The following RAPGEF4 variants were observed in gnomAD, a reference collection of about 807,000 sequenced individuals.
RAPGEF4 encodes the protein RAP guanine-nucleotide-exchange factor (GEF) 4.
RAPGEF4 carries 66 observed loss-of-function variants against 147.9 expected under a neutral mutation model. The observed-to-expected ratio is 0.45, with a 90% CI of 0.37 to 0.55. The LOEUF is 0.55. Among genes scored for constraint, RAPGEF4 ranks in the 20% least tolerant of loss-of-function variants. The pLI is 0.00. For synonymous variants in RAPGEF4, 419 were observed against 442.7 expected, an observed-to-expected ratio of 0.95 and a Z score of 0.67; for missense variants, 1,071 against 1,257.3, an observed-to-expected ratio of 0.85 and a Z score of 2.24.
intron 4 of RAPGEF4, among the ~76,000 whole-genome samples, chr2:172,882,160 G>T (rs1696704160): frequency 6.6e-6 from 1 of 152,160 alleles, no homozygotes; most frequent in Admixed American, 6.5e-5. Flanking sequence ...ATCTGTCCTT[G>T]TGTTCCCAGC....
chr2:172,948,532 C>A (rs1325129476), intron 6 of RAPGEF4, among the ~76,000 whole-genome samples: 1 of 152,060 alleles, frequency 6.6e-6, no homozygotes, highest in Non-Finnish European at 1.5e-5. Flanking sequence ...GGATCCAAGA[C>A]AGTCTGTTTT....
At chr2:172,929,596 C>T (rs999371370) in intron 6 of RAPGEF4, among the ~76,000 whole-genome samples, 3 of 152,066 alleles carry the variant, frequency 2.0e-5, no homozygotes, top group Non-Finnish European at 4.4e-5. Context: ...ATTTAGTTTT[C>T]TTTTCTATTT....
intron 4 of RAPGEF4, among the ~76,000 whole-genome samples, chr2:172,820,676 C>G (rs190262678): frequency 5.1e-4 from 78 of 152,240 alleles, no homozygotes; most frequent in African/African-American, 1.8e-3. Context: ...AGATACAAAA[C>G]TGAGTGGTAA....
At chr2:172,789,290 G>C (rs1685563284) in intron 1 of RAPGEF4, among the ~76,000 whole-genome samples, 1 of 152,164 alleles carries the variant, frequency 6.6e-6, no homozygotes, top group African/African-American at 2.4e-5. Flanking sequence ...ACATAATCAT[G>C]AGAGTGATCT....
intron 4 of RAPGEF4, among the ~76,000 whole-genome samples, chr2:172,845,669 A>T (rs543877105): frequency 1.2e-4 from 18 of 152,344 alleles, no homozygotes; most frequent in African/African-American, 4.3e-4. Flanking sequence ...GACTTTTAAT[A>T]AAAAATTGTG....
intron 4 of RAPGEF4, among the ~76,000 whole-genome samples, chr2:172,826,017 C>T (rs1004984210): frequency 4.6e-5 from 7 of 152,082 alleles, no homozygotes; most frequent in Non-Finnish European, 8.8e-5. Flanking sequence ...TGATCTGTAA[C>T]AAAATTTTGT....
At chr2:172,933,843 T>C (rs1686236385) in intron 6 of RAPGEF4, among the ~76,000 whole-genome samples, 1 of 152,240 alleles carries the variant, frequency 6.6e-6, no homozygotes, top group African/African-American at 2.4e-5. Context: ...CATTATTTAA[T>C]AGACATCCTC....
chr2:172,910,886 A>G (rs750097290), intron 4 of RAPGEF4, among the ~76,000 whole-genome samples: 3 of 152,244 alleles, frequency 2.0e-5, no homozygotes, highest in Non-Finnish European at 4.4e-5. Context: ...TTACAACAGA[A>G]TCACACAGGT....
At chr2:172,917,683 A>G (rs1284842266) in intron 4 of RAPGEF4, 119 bp from the exon 5 acceptor site, 14 of 849,942 alleles carry the variant, frequency 1.6e-5, no homozygotes, top group Admixed American at 9.5e-5. Context: ...TCATGGCTCT[A>G]TAAATACAAG....
rs755578005 is a variant in RAPGEF4, at chr2:172,934,350, C to T, written c.537+12050C>T. The stretch of plus-strand genomic sequence containing the variant: ...TTTTTTAGTAGAGACTGGGTTTCAC[C>T]ATGTTGGTCAGGCTGGTCTCGAACT... On this transcript the variant is annotated intron_variant, in intron 6 of 30. Coordinates refer to ENST00000397081, the MANE Select transcript of RAPGEF4 (RefSeq NM_007023.4). 3.4e-4 allele frequency among the ~76,000 whole-genome samples: 52 copies of T among 152,020 alleles called. 1 individual carries two copies. The highest frequency in any genetic ancestry group is 4.6e-4 in the Non-Finnish European group (31 of 67,960).
intron 17 of RAPGEF4, among the ~76,000 whole-genome samples, chr2:173,008,362 G>A (rs16861147): frequency 0.034 from 5,163 of 152,168 alleles, 311 homozygotes; most frequent in African/African-American, 0.12. Context: ...ATCAAATGAG[G>A]TTATGTGTGT....
In RAPGEF4 at chr2:172,939,835, T is replaced by G. The variant is rs549338553; in HGVS notation, c.537+17535T>G. Among the ~76,000 whole-genome samples, 10 of 151,958 alleles carry G rather than the reference T, an allele frequency of 6.6e-5. No homozygotes were observed. In the South Asian group the frequency reaches 1.9e-3, roughly 28 times the overall value. ...GGTCTGTGTGTAGATTCATTTTTTT[T>G]AGCATATGGGCCATCCAGTTTTTCC... On this transcript the variant is annotated intron_variant, in intron 6 of 30. Coordinates refer to ENST00000397081, the MANE Select transcript of RAPGEF4 (RefSeq NM_007023.4).
chr2:172,738,275 A>C (rs939303000), intron 1 of RAPGEF4, among the ~76,000 whole-genome samples: 2 of 152,104 alleles, frequency 1.3e-5, no homozygotes, highest in African/African-American at 2.4e-5. Flanking sequence ...TTTAAATGCT[A>C]TCTTGATCTT....
At chr2:172,887,469 G>T (rs1202189562) in intron 4 of RAPGEF4, among the ~76,000 whole-genome samples, 1 of 152,206 alleles carries the variant, frequency 6.6e-6, no homozygotes, top group Non-Finnish European at 1.5e-5. Flanking sequence ...CTCTAGGGCA[G>T]GGGTTGTGAA....
intron 6 of RAPGEF4, among the ~76,000 whole-genome samples, chr2:172,933,576 G>T (rs980675232): frequency 6.6e-6 from 1 of 152,066 alleles, no homozygotes; most frequent in African/African-American, 2.4e-5. Context: ...TAGATGATAG[G>T]GATTTGCACT....
intron 26 of RAPGEF4, among the ~76,000 whole-genome samples, chr2:173,030,747 C>CCACCTGGCAG (rs1224512428): frequency 4.6e-5 from 7 of 152,176 alleles, no homozygotes; most frequent in Non-Finnish European, 1.0e-4. Flanking sequence ...TGTCGCCTCA[C>CCACCTGGCAG]CACCTGGCAG....
At chr2:172,832,467 C>T (rs1690467730) in intron 4 of RAPGEF4, among the ~76,000 whole-genome samples, 1 of 152,150 alleles carries the variant, frequency 6.6e-6, no homozygotes, top group South Asian at 2.1e-4. Flanking sequence ...TCTATCTCAA[C>T]TCCTCATTTT....
At chr2:172,855,793 CTG>C (rs1693347565) in intron 4 of RAPGEF4, among the ~76,000 whole-genome samples, 1 of 152,164 alleles carries the variant, frequency 6.6e-6, no homozygotes, top group South Asian at 2.1e-4. Flanking sequence ...CTTCTATTCT[CTG>C]TGAATTTTGA....
At chr2:172,798,648 C>CTTTTTTTTTTTTTTTTTTTTTGAG (rs1268901656) in intron 3 of RAPGEF4, among the ~76,000 whole-genome samples, 2 of 151,846 alleles carry the variant, frequency 1.3e-5, no homozygotes, top group African/African-American at 4.8e-5. Flanking sequence ...GAGGCTTTTT[C>CTTTTTTTTTTTTTTTTTTTTTGAG]ATAGGTAGCA....
Sources: gnomAD v4.1 joint callset for allele counts (sites outside exome capture counted in the v4.1 genomes callset) on GRCh38, gnomAD v4.1.1 for gene constraint, MANE v1.5 for transcripts, NCBI Gene and HGNC (gene_info 2026-07-23, HGNC 2026-07-21) for gene names.